Variants in PARD3B observed in about 807,000 individuals in gnomAD.
PARD3B encodes the protein par-3 family cell polarity regulator beta, also known as partitioning defective 3 homolog B.
A neutral mutation model predicts 130.2 loss-of-function variants in PARD3B; 103 were observed. The ratio of observed to expected loss-of-function variants is 0.79; its 90% CI spans 0.67 to 0.93. The LOEUF is 0.93. Among genes scored for constraint, PARD3B ranks in the 40% least tolerant of loss-of-function variants. The pLI, the probability that PARD3B is intolerant of heterozygous loss-of-function variation, is 0.00. For synonymous variants in PARD3B, 583 were observed against 553.2 expected (o/e 1.05, Z -0.76); for missense variants, 1,609 against 1,499.2 (o/e 1.07, Z -1.21).
intron 2 of PARD3B, among the ~76,000 whole-genome samples, chr2:204,731,380 G>A (rs2039501011): frequency 6.6e-6 from 1 of 152,118 alleles, no homozygotes; most frequent in African/African-American, 2.4e-5. Flanking sequence ...ATCTACCACT[G>A]CCTGTGATTA....
intron 18 of PARD3B, among the ~76,000 whole-genome samples, chr2:205,394,943 A>G (rs1361691716): frequency 6.6e-6 from 1 of 152,198 alleles, no homozygotes; most frequent in Admixed American, 6.5e-5. Flanking sequence ...TCTCAGTGTG[A>G]ATGTGCTTAA....
chr2:205,381,418 G>A (rs148951481), intron 18 of PARD3B, among the ~76,000 whole-genome samples: 242 of 151,054 alleles, frequency 1.6e-3, no homozygotes, highest in African/African-American at 5.3e-3. Context: ...TACATATGTC[G>A]TTAAGTAGTA....
chr2:205,514,354 T>C (rs376678433), intron 21 of PARD3B, among the ~76,000 whole-genome samples: 1 of 152,126 alleles, frequency 6.6e-6, no homozygotes, highest in African/African-American at 2.4e-5. Flanking sequence ...TGATGTAAAT[T>C]ATAAGTCTTC....
At position 205,300,718 on chromosome 2, in the gene PARD3B, C is replaced by T; in HGVS notation, c.2374C>T (p.Pro792Ser). The T allele has an allele frequency of 6.2e-7, 1 of 1,611,102 alleles. No individual in the cohort carries two copies. The highest frequency in any genetic ancestry group is 8.5e-7 in the Non-Finnish European group (1 of 1,177,580). The change falls in exon 17 of 23, where the codon CCT (proline) becomes TCT (serine). Residue 792 changes from proline to serine, a missense_variant. Physicochemically the swap from Pro to Ser is moderately conservative, Grantham distance 74. Transcript: ENST00000406610. This position sits in a 1 kb window ranked among gnomAD's most constrained non-coding sequence, Gnocchi z 4.1. ...AGCCATTGACAAATCCTACGATGGACCTGAAGAAATAGAAGCTGGTAGGAT... is the reference window on the plus strand; with the variant it reads ...AGCCATTGACAAATCCTACGATGGATCTGAAGAAATAGAAGCTGGTAGGAT... ...RAAIDKSYDGPEEIEADGLSD... is the reference protein window; with the variant it reads ...RAAIDKSYDGSEEIEADGLSD...
chr2:204,626,220 GAGAA>G (rs2034482261), intron 1 of PARD3B, among the ~76,000 whole-genome samples: 1 of 152,112 alleles, frequency 6.6e-6, no homozygotes, highest in Admixed American at 6.6e-5. Context: ...AATAACTAAA[GAGAA>G]AGCCAACACC....
intron 19 of PARD3B, among the ~76,000 whole-genome samples, chr2:205,419,955 T>G (rs1285725692): frequency 2.0e-5 from 3 of 152,102 alleles, no homozygotes; most frequent in African/African-American, 7.2e-5. Flanking sequence ...TAAAGCAAAT[T>G]AAAGGATTCA....
chr2:205,233,487 G>A (rs1370077778), intron 15 of PARD3B, among the ~76,000 whole-genome samples: 1 of 151,930 alleles, frequency 6.6e-6, no homozygotes, highest in African/African-American at 2.4e-5. Flanking sequence ...TAAATATAAG[G>A]TTAATTGTTT....
At chr2:205,103,225 AT>A (rs1702927238) in intron 4 of PARD3B, among the ~76,000 whole-genome samples, 1 of 133,226 alleles carries the variant, frequency 7.5e-6, no homozygotes, top group South Asian at 2.4e-4. Flanking sequence ...TTTATGTAAA[AT>A]AAACATATTT....
intron 22 of PARD3B, among the ~76,000 whole-genome samples, chr2:205,567,180 G>A (rs1575381420): frequency 1.3e-5 from 2 of 151,970 alleles, no homozygotes; most frequent in African/African-American, 4.8e-5. Context: ...TTAATAATAT[G>A]TATGTATGTA....
At chr2:204,936,171 C>G (rs1419401948) in intron 2 of PARD3B, among the ~76,000 whole-genome samples, 1 of 152,178 alleles carries the variant, frequency 6.6e-6, no homozygotes, top group Non-Finnish European at 1.5e-5. Flanking sequence ...GGAAGAGAAC[C>G]CTGTGCTTCA....
At chr2:205,273,393 C>T (rs2040818309) in intron 16 of PARD3B, among the ~76,000 whole-genome samples, 1 of 152,212 alleles carries the variant, frequency 6.6e-6, no homozygotes, top group Admixed American at 6.5e-5. Flanking sequence ...CTTCACCTAA[C>T]AAAACAATGC....
rs1334214528 is a variant in PARD3B at position 205,230,541 on chromosome 2, T to A, written c.2141-15237T>A. The stretch of plus-strand genomic sequence containing the variant: ...GTCCTCTTAACTCTTCCCTCTTTTC[T>A]CCTCTAGCAGAAGGCAGGAGTCTCT... On this transcript the variant is annotated intron_variant, in intron 15 of 22. Coordinates refer to ENST00000406610, the MANE Select transcript of PARD3B (RefSeq NM_001302769.2). The surrounding 1 kb of genome is among the most constrained non-coding windows in gnomAD (Gnocchi z 4.1). Among the ~76,000 whole-genome samples, 2 of 152,092 alleles carry A rather than the reference T, an allele frequency of 1.3e-5. No individual in the cohort carries two copies. Among genetic ancestry groups the A allele is most frequent in the Admixed American group, 6.5e-5 (1 of 15,270 alleles).
intron 14 of PARD3B, among the ~76,000 whole-genome samples, chr2:205,188,978 A>G (rs771983436): frequency 6.6e-6 from 1 of 152,224 alleles, no homozygotes; most frequent in Non-Finnish European, 1.5e-5. Context: ...TGATTATTAC[A>G]GAAAAGTTTA....
chr2:204,578,132 T>G (rs990670647), intron 1 of PARD3B, among the ~76,000 whole-genome samples: 2 of 152,208 alleles, frequency 1.3e-5, no homozygotes, highest in African/African-American at 4.8e-5. Flanking sequence ...TGAGAAACCC[T>G]GTTTTTAGAG....
chr2:205,386,955 G>T (rs1469187716), intron 18 of PARD3B, among the ~76,000 whole-genome samples: 3 of 152,076 alleles, frequency 2.0e-5, no homozygotes, highest in Admixed American at 2.0e-4. Context: ...AACTAAAAAT[G>T]AAAATGGAAT....
intron 21 of PARD3B, among the ~76,000 whole-genome samples, chr2:205,544,174 C>T (rs1452086825): frequency 6.6e-6 from 1 of 151,958 alleles, no homozygotes; most frequent in Non-Finnish European, 1.5e-5. Flanking sequence ...ACTAAGATTA[C>T]ATCAAATTCC....
intron 18 of PARD3B, among the ~76,000 whole-genome samples, chr2:205,343,213 GT>G (rs2043608005): frequency 6.6e-6 from 1 of 152,174 alleles, no homozygotes; most frequent in African/African-American, 2.4e-5. Context: ...GTAGGAAAGT[GT>G]TCCCATCAAA....
At chr2:204,640,804 G>T (rs2035049772) in intron 1 of PARD3B, among the ~76,000 whole-genome samples, 1 of 151,754 alleles carries the variant, frequency 6.6e-6, no homozygotes. Context: ...TATCCAGAAA[G>T]CATGAGGCAC....
intron 5 of PARD3B, among the ~76,000 whole-genome samples, chr2:205,109,810 C>T (rs967275702): frequency 6.6e-6 from 1 of 151,936 alleles, no homozygotes; most frequent in Non-Finnish European, 1.5e-5. Context: ...TGTGCCACCA[C>T]ACCCTGCTAA....
Sources: allele counts gnomAD v4.1 joint callset (sites outside exome capture counted in the v4.1 genomes callset), GRCh38; gene constraint gnomAD v4.1.1; non-coding constraint Gnocchi (gnomAD v3.1); transcripts MANE v1.5; gene names NCBI Gene and HGNC (gene_info 2026-07-23, HGNC 2026-07-21).